The following ITPKC variants were observed in gnomAD, a reference collection of about 807,000 sequenced individuals.
ITPKC encodes IP3 3-kinase C.
A neutral mutation model predicts 67.1 loss-of-function variants in ITPKC; 33 were observed. The ratio of observed to expected loss-of-function variants is 0.49; its 90% CI spans 0.37 to 0.66. The LOEUF is 0.66. ITPKC is among the 30% of genes least tolerant of loss of function. The probability of loss-of-function intolerance (pLI) is 0.00; values close to 1 mark genes in which losing one functional copy is unlikely to be tolerated. For synonymous variants in ITPKC, 341 were observed against 359.8 expected (o/e 0.95, Z 0.59); for missense variants, 820 against 892.1 (o/e 0.92, Z 1.03).
chr19:40,724,939 G>C (rs2082238977), intron 1 of ITPKC, among the ~76,000 whole-genome samples: 1 of 142,238 alleles, frequency 7.0e-6, no homozygotes. Context: ...CAGAGACCCT[G>C]TCTCAATTAA....
At chr19:40,720,474 G>T (rs1277308467) in intron 1 of ITPKC, among the ~76,000 whole-genome samples, 1 of 152,072 alleles carries the variant, frequency 6.6e-6, no homozygotes, top group Non-Finnish European at 1.5e-5. Context: ...TTCTAACTCA[G>T]TTCTGGCTGA....
Position 40,717,650 on chromosome 19 carries a change from C to T in ITPKC, c.515C>T (p.Pro172Leu), listed in dbSNP as rs1443766793. 8 of 1,613,944 alleles carry T rather than the reference C, an allele frequency of 5.0e-6. No individual in the cohort carries two copies. The highest frequency in any genetic ancestry group is 5.9e-6 in the Non-Finnish European group (7 of 1,179,994). The part of the protein sequence containing the change: ...SPWTQPGVHG[P>L]WTELETHGSQ... ...TGGACACAGCCAGGGGTTCATGGGC[C>T]CTGGACAGAGCTGGAAACGCATGGG... Residue 172 changes from proline (P) to leucine (L), a missense_variant, in exon 1 of 7, where the codon CCC (proline) becomes CTC (leucine). Physicochemically the swap from Pro to Leu is moderately conservative, Grantham distance 98. Transcript: ENST00000263370.
chr19:40,729,390 A>G lies in ITPKC; in HGVS notation c.1444A>G (p.Ile482Val). 6.2e-7 allele frequency: 1 copy of G among 1,613,470 alleles called. No individual in the cohort carries two copies. Among genetic ancestry groups the G allele is most frequent in the Non-Finnish European group, 8.5e-7 (1 of 1,179,808 alleles). ...CCTGGCTGACTTTGAGGGCCCCTCC[A>G]TTATGGACTGCAAGATGGGCAGCAG... The part of the protein sequence containing the change: ...DLLADFEGPS[I>V]MDCKMGSRTY... Residue 482 changes from isoleucine (I) to valine (V), a missense_variant, in exon 3 of 7, where the codon ATT (isoleucine) becomes GTT (valine). Physicochemically the swap from Ile to Val is conservative, Grantham distance 29. Around this residue, in one of 2 missense-constraint regions of ITPKC, gnomAD observed 339 missense variants for 422.0 expected, o/e 0.80. Coordinates refer to ENST00000263370, the MANE Select transcript of ITPKC (RefSeq NM_025194.3).
Position 40,739,602 on chromosome 19 carries a change from G to A in ITPKC, c.*42G>A. The A allele has an allele frequency of 3.2e-6, 5 of 1,559,744 alleles. No homozygotes were observed. Among genetic ancestry groups the A allele is most frequent in the Non-Finnish European group, 4.4e-6 (5 of 1,145,284 alleles). On this transcript the variant is annotated 3_prime_UTR_variant, in exon 7 of 7. Coordinates refer to ENST00000263370, the MANE Select transcript of ITPKC (RefSeq NM_025194.3). ...CAGGTTAATTGGATGGCGCCAGTCT[G>A]GCTGGAGGAGCCCTGAGATGCCATG...
In ITPKC at chr19:40,717,968, C is replaced by A. The variant is rs2144728095; in HGVS notation, c.833C>A (p.Thr278Lys). ...CAACAGGATACTGATGGCTCCTGGA[C>A]ACAACCTAGCACTGACGGTTCCCAG... ...QIQQDTDGSW[T>K]QPSTDGSQTA... The change falls in exon 1 of 7, where the codon ACA (threonine) becomes AAA (lysine). Residue 278 changes from threonine (T) to lysine (K), a missense_variant. By Grantham distance (78) the Thr-to-Lys change is moderately conservative (BLOSUM62 -1). Transcript: ENST00000263370. The A allele has an allele frequency of 6.2e-7, 1 of 1,614,176 alleles. No homozygotes were observed. The highest frequency in any genetic ancestry group is 1.1e-5 in the South Asian group (1 of 91,082).
rs2082200905 is a variant in ITPKC, at chr19:40,718,122, C to T, written c.987C>T (p.Arg329=). Residue 329 remains arginine (R), a synonymous_variant, in exon 1 of 7, where the codon CGC becomes CGT. Coordinates refer to ENST00000263370, the MANE Select transcript of ITPKC (RefSeq NM_025194.3). The stretch of plus-strand genomic sequence containing the variant: ...GTAGCCCCCTGTGCCCTGTGCCCCG[C>T]CTCATCATTACCCCTGAGACCCCTG... ...LKCSPLCPVP[R]LIITPETPEP... is the part of the protein sequence containing the mutation. 1 of 1,611,812 alleles carries T rather than the reference C, an allele frequency of 6.2e-7. No homozygotes were observed.
Position 40,717,114 on chromosome 19 carries a change from A to G in ITPKC, c.-22A>G, listed in dbSNP as rs2070166749. 2 of 1,211,840 alleles carry G rather than the reference A, an allele frequency of 1.7e-6. No individual in the cohort carries two copies. The highest frequency in any genetic ancestry group is 4.2e-5 in the South Asian group (1 of 23,994). 75.1% of individuals were successfully genotyped at this position (1,211,840 alleles called of 1,614,324 possible). On this transcript the variant is annotated 5_prime_UTR_variant, in exon 1 of 7. Coordinates refer to ENST00000263370, the MANE Select transcript of ITPKC (RefSeq NM_025194.3). Reference sequence around the variant, plus strand: ...GGATAGGAGGGGCCGGGTCGGCCGAAGCCCGAACCGAAGGAGCGGGCATGA... The same window carrying G: ...GGATAGGAGGGGCCGGGTCGGCCGAGGCCCGAACCGAAGGAGCGGGCATGA...
intron 6 of ITPKC, among the ~76,000 whole-genome samples, chr19:40,738,471 G>A (rs1379837531): frequency 1.3e-5 from 2 of 151,904 alleles, no homozygotes; most frequent in African/African-American, 4.8e-5. Flanking sequence ...GAAATTGCTT[G>A]AACCCAGTAG....
Position 40,733,350 on chromosome 19 carries a change from A to G in ITPKC, c.1660A>G (p.Ile554Val). The G allele has an allele frequency of 6.2e-7, 1 of 1,609,944 alleles. No individual in the cohort carries two copies. The highest frequency in any genetic ancestry group is 8.5e-7 in the Non-Finnish European group (1 of 1,178,074). ...MSSTSTLGFR[I>V]EGIKKADGTC... ...CTCCACCTCTACCCTGGGCTTCCGG[A>G]TCGAGGGCATCAAGGTGAGGACCAG... Residue 554 changes from isoleucine (I) to valine (V), a missense_variant, in exon 4 of 7, where the codon ATC becomes GTC. By Grantham distance (29) the Ile-to-Val change is conservative. Transcript: ENST00000263370.
At chr19:40,732,886 T>A (rs542676343) in intron 3 of ITPKC, among the ~76,000 whole-genome samples, 11 of 152,390 alleles carry the variant, frequency 7.2e-5, no homozygotes, top group South Asian at 4.1e-4. Flanking sequence ...TTAATGTTTC[T>A]GTGTGTGGGA....
chr19:40,722,912 G>A (rs1338550653), intron 1 of ITPKC, among the ~76,000 whole-genome samples: 2 of 151,866 alleles, frequency 1.3e-5, no homozygotes, highest in African/African-American at 4.8e-5. Flanking sequence ...GAGTAGCTGG[G>A]ACTACAGGTG....
At chr19:40,724,433 G>A (rs943690648) in intron 1 of ITPKC, among the ~76,000 whole-genome samples, 13 of 152,130 alleles carry the variant, frequency 8.5e-5, no homozygotes, top group Middle Eastern at 3.2e-3. Context: ...CCCCAGTTCA[G>A]GAGGGCAGGG....
At position 40,737,717 on chromosome 19, in the gene ITPKC, TAGA is replaced by T; in HGVS notation, c.1801_1803del (p.Glu601del). 1 of 1,614,108 alleles carries T rather than the reference TAGA, an allele frequency of 6.2e-7. No homozygotes were observed. Among genetic ancestry groups the T allele is most frequent in the Non-Finnish European group, 8.5e-7 (1 of 1,179,992 alleles). Reference sequence around the variant, plus strand: ...ACACAGCAAAAGTACGTGGCATGCCTAGAAGAACTTCGTGAAGCTCTGGAGATC... The same window carrying T: ...ACACAGCAAAAGTACGTGGCATGCCTAGAACTTCGTGAAGCTCTGGAGATC... On this transcript the variant is annotated inframe_deletion, in exon 6 of 7. Coordinates refer to ENST00000263370, the MANE Select transcript of ITPKC (RefSeq NM_025194.3).
At chr19:40,729,458 G>T (rs1445722589) in intron 3 of ITPKC, 43 bp downstream of exon 3, 3 of 1,545,820 alleles carry the variant, frequency 1.9e-6, no homozygotes, top group Admixed American at 1.8e-5. Flanking sequence ...AGGGCAGGGG[G>T]TGGGCATTAT....
intron 4 of ITPKC, among the ~76,000 whole-genome samples, chr19:40,734,651 C>T (rs1479909007): frequency 6.6e-6 from 1 of 152,184 alleles, no homozygotes; most frequent in South Asian, 2.1e-4. Context: ...CTCTGTCACC[C>T]AGGCTAGAGT....
intron 1 of ITPKC, among the ~76,000 whole-genome samples, chr19:40,722,724 C>T (rs11668501): frequency 0.15 from 23,122 of 152,146 alleles, 1,986 homozygotes; most frequent in Middle Eastern, 0.21. Flanking sequence ...ATAGTTTAGT[C>T]GGCATGATAC....
chr19:40,720,296 G>A (rs1392465488), intron 1 of ITPKC, among the ~76,000 whole-genome samples: 1 of 151,868 alleles, frequency 6.6e-6, no homozygotes, highest in Non-Finnish European at 1.5e-5. Context: ...GAATGTGGGA[G>A]GCGGAGGTTG....
At chr19:40,738,015 C>T (rs1241066331) in intron 6 of ITPKC, among the ~76,000 whole-genome samples, 3 of 146,540 alleles carry the variant, frequency 2.0e-5, no homozygotes, top group Admixed American at 6.9e-5. Flanking sequence ...AAAAAAAGGC[C>T]GGGTGCAGTG....
chr19:40,733,127 T>A, intron 3 of ITPKC, 33 bp from the exon 4 acceptor site: 1 of 1,598,034 alleles, frequency 6.3e-7, no homozygotes, highest in Non-Finnish European at 8.6e-7. Context: ...TTGTTCTACA[T>A]AATTTCCTTT....
Sources: gnomAD v4.1 joint callset for allele counts (sites outside exome capture counted in the v4.1 genomes callset) on GRCh38, gnomAD v4.1.1 for gene constraint, gnomAD v4.1.1 regional missense constraint, MANE v1.5 for transcripts, NCBI Gene and HGNC (gene_info 2026-07-23, HGNC 2026-07-21) for gene names.